The following ZBTB20 variants were observed in gnomAD, a reference collection of about 807,000 sequenced individuals.
ZBTB20 encodes the protein zinc finger and BTB domain-containing protein 20.
In ZBTB20, 9 loss-of-function variants were observed where a neutral mutation model predicts 56.9. The ratio of observed to expected loss-of-function variants is 0.16; its 90% CI spans 0.10 to 0.28. ZBTB20 has a LOEUF of 0.28. Ranked by LOEUF, ZBTB20 falls within the 10% of genes least tolerant of loss-of-function variation. The probability of loss-of-function intolerance (pLI) is 1.00; values close to 1 mark genes in which losing one functional copy is unlikely to be tolerated. For synonymous variants in ZBTB20, 417 were observed against 420.7 expected, an observed-to-expected ratio of 0.99 and a Z score of 0.11; for missense variants, 655 against 1,003.0, an observed-to-expected ratio of 0.65 and a Z score of 4.69.
Position 114,380,729 on chromosome 3 carries a change from C to G in ZBTB20, c.11+48G>C, listed in dbSNP as rs551691397. ...ATCCAAGAAAGCATCCCTCTTCCCC[C>G]CTTAGGAGTTTTAACATGGTCTGGA... On this transcript the variant is annotated intron_variant, in intron 9 of 11. Coordinates refer to ENST00000675478, the MANE Select transcript of ZBTB20 (RefSeq NM_001348800.3). 165 of 1,476,726 alleles carry G rather than the reference C, an allele frequency of 1.1e-4. 1 individual carries two copies. The highest frequency in any genetic ancestry group is 3.0e-4 in the East Asian group (12 of 40,044). The allele number at this position is 1,476,726 out of a possible 1,614,324, so 91.5% of individuals were successfully genotyped here.
chr3:114,639,881 T>G (rs1333466914), intron 6 of ZBTB20, among the ~76,000 whole-genome samples: 1 of 152,040 alleles, frequency 6.6e-6, no homozygotes, highest in Non-Finnish European at 1.5e-5. Flanking sequence ...CAATAGGTTC[T>G]CATAAATATT....
chr3:114,587,235 G>A (rs918179558), intron 6 of ZBTB20, among the ~76,000 whole-genome samples: 1 of 151,982 alleles, frequency 6.6e-6, no homozygotes, highest in African/African-American at 2.4e-5. Context: ...GACTACAGGT[G>A]ATCTGCCCAC....
chr3:114,644,702 A>G (rs1265323270), intron 6 of ZBTB20, among the ~76,000 whole-genome samples: 1 of 152,114 alleles, frequency 6.6e-6, no homozygotes, highest in East Asian at 1.9e-4. Context: ...TACCATAGGA[A>G]TTAGGGTGGG....
intron 2 of ZBTB20, among the ~76,000 whole-genome samples, chr3:115,025,234 C>T (rs770358685): frequency 2.6e-5 from 4 of 151,250 alleles, no homozygotes; most frequent in Non-Finnish European, 5.9e-5. Flanking sequence ...CTAAGGCTAA[C>T]GGCTTACAGC....
At chr3:114,820,947 A>G (rs1422840644) in intron 4 of ZBTB20, among the ~76,000 whole-genome samples, 1 of 152,144 alleles carries the variant, frequency 6.6e-6, no homozygotes, top group Non-Finnish European at 1.5e-5. Context: ...GGAATAATCA[A>G]TCTGAGAATG....
At chr3:114,960,034 G>T (rs1479978574) in intron 3 of ZBTB20, among the ~76,000 whole-genome samples, 3 of 152,162 alleles carry the variant, frequency 2.0e-5, no homozygotes, top group African/African-American at 7.2e-5. Context: ...CAAACAGTGG[G>T]AATATGTATA....
chr3:114,569,397 A>T (rs981688745), intron 6 of ZBTB20, among the ~76,000 whole-genome samples: 6 of 152,230 alleles, frequency 3.9e-5, no homozygotes, highest in Non-Finnish European at 7.3e-5. Context: ...AAGTTTTAGG[A>T]CCAACAAACT....
In ZBTB20 at chr3:114,318,219, CCA is replaced by C. The variant is rs1286580550; in HGVS notation, c.*20784_*20785del. ...CACAGTGAGCAGATGGATGGATAAT[CCA>C]CAGAGTCAAAGAGGAGGTGGGCAAG... On this transcript the variant is annotated 3_prime_UTR_variant, in exon 12 of 12. Transcript: ENST00000675478. 3 of 152,232 alleles carry C rather than the reference CCA, an allele frequency of 2.0e-5. No individual in the cohort carries two copies. The highest frequency in any genetic ancestry group is 4.8e-5 in the African/African-American group (2 of 41,458). The allele number at this position is 152,232 out of a possible 1,614,324, so 9.4% of individuals were successfully genotyped here. A position where few individuals can be genotyped will look rare whatever the true frequency, so the allele number is the denominator to read the frequency against.
chr3:114,979,347 T>C (rs1170179916), intron 2 of ZBTB20, among the ~76,000 whole-genome samples: 2 of 151,710 alleles, frequency 1.3e-5, no homozygotes, highest in Admixed American at 1.3e-4. Flanking sequence ...GAAATAGGAG[T>C]AGTATAAATT....
chr3:115,101,327 C>G (rs775786605), intron 1 of ZBTB20, among the ~76,000 whole-genome samples: 1 of 152,102 alleles, frequency 6.6e-6, no homozygotes, highest in Non-Finnish European at 1.5e-5. Flanking sequence ...AACAGTTTTT[C>G]TTTGTCTGAT....
Position 114,680,264 on chromosome 3 carries a change from C to T in ZBTB20, c.-295+13264G>A, listed in dbSNP as rs576501735. On this transcript the variant is annotated intron_variant, in intron 6 of 11. Coordinates refer to ENST00000675478, the MANE Select transcript of ZBTB20 (RefSeq NM_001348800.3). ...TAAACCTGTATATTCTGCACATGTA[C>T]CCCAGAACTTAAAGTATAACTTAAA... 2.9e-4 allele frequency among the ~76,000 whole-genome samples: 44 copies of T among 152,056 alleles called. No individual in the cohort carries two copies. The South Asian group carries it at 8.8e-3, about 30-fold the overall frequency.
At position 114,632,091 on chromosome 3, in the gene ZBTB20, G is replaced by A. The variant is rs115923179; in HGVS notation, c.-295+61437C>T. ...AGAACATCTTTCTCACCATTCATCC[G>A]TTTTTACCTATGTCTGGCCATCAGC... On this transcript the variant is annotated intron_variant, in intron 6 of 11. Coordinates refer to ENST00000675478, the MANE Select transcript of ZBTB20 (RefSeq NM_001348800.3). Among the ~76,000 whole-genome samples the A allele has an allele frequency of 4.1e-3, 626 of 152,228 alleles. 4 individuals carry two copies. The highest frequency in any genetic ancestry group is 0.014 in the African/African-American group (579 of 41,552).
chr3:114,553,944 C>G (rs1409805249), intron 6 of ZBTB20, among the ~76,000 whole-genome samples: 2 of 152,240 alleles, frequency 1.3e-5, no homozygotes, highest in African/African-American at 4.8e-5. Context: ...TGCATCTTTC[C>G]CCTTAAAAAT....
chr3:115,018,045 A>C (rs910153272), intron 2 of ZBTB20, among the ~76,000 whole-genome samples: 1 of 151,426 alleles, frequency 6.6e-6, no homozygotes, highest in Non-Finnish European at 1.5e-5. Context: ...TTGTTTTTTT[A>C]ATCTCTTAAA....
chr3:114,756,089 T>C (rs2067990673), intron 5 of ZBTB20, among the ~76,000 whole-genome samples: 1 of 152,182 alleles, frequency 6.6e-6, no homozygotes, highest in Non-Finnish European at 1.5e-5. Context: ...TGCAATCATG[T>C]ATTTATGTTT....
intron 10 of ZBTB20, among the ~76,000 whole-genome samples, chr3:114,371,570 A>C (rs1159035233): frequency 6.6e-6 from 1 of 152,208 alleles, no homozygotes. Flanking sequence ...TGCGTCCTGC[A>C]CAATACTTAG....
At chr3:114,798,439 G>C (rs2071481588) in intron 5 of ZBTB20, among the ~76,000 whole-genome samples, 1 of 151,720 alleles carries the variant, frequency 6.6e-6, no homozygotes, top group Middle Eastern at 3.2e-3. Context: ...CTGATGAAGG[G>C]GACTACAATT....
chr3:114,812,004 G>A (rs1430206043), intron 4 of ZBTB20, among the ~76,000 whole-genome samples: 1 of 152,190 alleles, frequency 6.6e-6, no homozygotes, highest in Admixed American at 6.5e-5. Context: ...CTGCCTTCTG[G>A]TGGGTTTGTG....
At chr3:114,418,032 C>T (rs2108804985) in intron 7 of ZBTB20, among the ~76,000 whole-genome samples, 1 of 152,160 alleles carries the variant, frequency 6.6e-6, no homozygotes, top group Admixed American at 6.6e-5. Context: ...TAACCCATTT[C>T]CTATCCTTCA....
Sources: gnomAD v4.1 joint callset for allele counts (sites outside exome capture counted in the v4.1 genomes callset) on GRCh38, gnomAD v4.1.1 for gene constraint, MANE v1.5 for transcripts, NCBI Gene and HGNC (gene_info 2026-07-23, HGNC 2026-07-21) for gene names.